Variants in TMEM175 observed in about 807,000 individuals in gnomAD.
The protein encoded by TMEM175 is endosomal/lysosomal proton channel TMEM175.
TMEM175 carries 36 observed loss-of-function variants against 36.5 expected under a neutral mutation model. The ratio of observed to expected loss-of-function variants is 0.99; its 90% CI spans 0.76 to 1.30. TMEM175 has a LOEUF of 1.30. Among genes scored for constraint, TMEM175 ranks in the 50% most tolerant of loss-of-function variants. The probability of loss-of-function intolerance (pLI) is 0.00; values close to 1 mark genes in which losing one functional copy is unlikely to be tolerated. For synonymous variants in TMEM175, 339 were observed against 313.4 expected (o/e 1.08, Z -0.86); for missense variants, 705 against 692.8 (o/e 1.02, Z -0.20).
chr4:938,138 G>A (rs186489603), intron 1 of TMEM175, among the ~76,000 whole-genome samples: 1 of 152,190 alleles, frequency 6.6e-6, no homozygotes, highest in African/African-American at 2.4e-5. Flanking sequence ...ACAAGCCAAG[G>A]CTGGCTGTCT....
intron 10 of TMEM175, chr4:956,164 C>A: frequency 1.4e-6 from 1 of 707,056 alleles, no homozygotes; most frequent in Non-Finnish European, 2.1e-6. Context: ...GCACCAGCAG[C>A]CAACTGCTCT....
At chr4:957,706 C>A in intron 10 of TMEM175, 118 bp from the exon 11 acceptor site, 1 of 992,596 alleles carries the variant, frequency 1.0e-6, no homozygotes, top group Non-Finnish European at 1.5e-6. Context: ...GGGAAGTCCA[C>A]ATGGTTCATC....
intron 7 of TMEM175, 113 bp downstream of exon 7, chr4:952,563 CTGTGTGTGTGTGTGTG>C (rs147980248): frequency 3.0e-6 from 2 of 662,270 alleles, no homozygotes; most frequent in African/African-American, 2.5e-5. Flanking sequence ...GGGGCCTGCA[CTGTGTGTGTGTGTGTG>C]TGTGTGTGTG....
intron 1 of TMEM175, among the ~76,000 whole-genome samples, chr4:938,212 A>G (rs527405600): frequency 6.6e-6 from 1 of 152,314 alleles, no homozygotes; most frequent in African/African-American, 2.4e-5. Context: ...GGCAAGAAAA[A>G]GAGGGCTGGG....
In TMEM175 at chr4:958,467, C is replaced by T. The variant is rs1711556681; in HGVS notation, c.1486C>T (p.Gln496Ter). The change falls in exon 11 of 11, where the codon CAG (glutamine) becomes TAG (stop). Residue 496 changes from glutamine to a stop codon, truncating the protein, a stop_gained. Coordinates refer to ENST00000264771, the MANE Select transcript of TMEM175 (RefSeq NM_032326.4). LOFTEE classifies it high-confidence loss of function. Reference protein sequence around the residue: ...PPAPTGQDDPQSQLLPAPC With the variant: ...PPAPTGQDDP ...AGCCCCCACGGGCCAGGACGACCCA[C>T]AGTCCCAGCTCCTCCCTGCCCCCTG... The T allele has an allele frequency of 6.4e-7, 1 of 1,568,354 alleles. No individual in the cohort carries two copies. The highest frequency in any genetic ancestry group is 8.6e-7 in the Non-Finnish European group (1 of 1,163,302).
At chr4:944,047 T>C (rs144798573) in intron 1 of TMEM175, among the ~76,000 whole-genome samples, 1 of 152,260 alleles carries the variant, frequency 6.6e-6, no homozygotes, top group East Asian at 1.9e-4. Flanking sequence ...AATCCCAGCA[T>C]TTCGGGAGGC....
At chr4:934,384 G>C (rs1481110917) in intron 1 of TMEM175, among the ~76,000 whole-genome samples, 1 of 152,214 alleles carries the variant, frequency 6.6e-6, no homozygotes, top group Non-Finnish European at 1.5e-5. Context: ...GTTCGGGGCA[G>C]AGAGTGCAGC....
chr4:953,534 T>C (rs1167699317), intron 8 of TMEM175, among the ~76,000 whole-genome samples, 180 bp downstream of exon 8: 1 of 152,134 alleles, frequency 6.6e-6, no homozygotes, highest in Admixed American at 6.5e-5. Flanking sequence ...GGAGGCCTGC[T>C]CCACCTGAGG....
intron 1 of TMEM175, among the ~76,000 whole-genome samples, chr4:936,151 A>T (rs1322444959): frequency 6.6e-6 from 1 of 152,176 alleles, no homozygotes; most frequent in African/African-American, 2.4e-5. Flanking sequence ...CCTGGCCAAC[A>T]TGGTGAAACC....
rs563663795 is a variant in TMEM175 at position 936,694 on chromosome 4, G to A, written c.-32+4154G>A. On this transcript the variant is annotated intron_variant, in intron 1 of 10. Transcript: ENST00000264771. ...TGTTGGGCCCGGCGCGGTGGCTCAC[G>A]CCTGTAATCCCAGCACTTTGGGAGG... 1.6e-4 allele frequency among the ~76,000 whole-genome samples: 24 copies of A among 152,306 alleles called. No homozygotes were observed. The South Asian group carries it at 1.7e-3, about 11-fold the overall frequency.
At chr4:935,285 C>T (rs1255585786) in intron 1 of TMEM175, among the ~76,000 whole-genome samples, 1 of 152,198 alleles carries the variant, frequency 6.6e-6, no homozygotes, top group African/African-American at 2.4e-5. Flanking sequence ...AAATATCTAT[C>T]TCCATATCTC....
intron 1 of TMEM175, among the ~76,000 whole-genome samples, chr4:941,564 G>A (rs1014983049): frequency 3.3e-5 from 5 of 151,244 alleles, no homozygotes; most frequent in Admixed American, 6.6e-5. Flanking sequence ...TCAAACTCCC[G>A]AGTAGCTGGA....
At chr4:951,377 A>T (rs1026211700) in intron 5 of TMEM175, 119 bp downstream of exon 5, 1 of 1,192,976 alleles carries the variant, frequency 8.4e-7, no homozygotes, top group African/African-American at 1.5e-5. Flanking sequence ...CGGAGCCTGG[A>T]ATCTGTCCAC....
At chr4:951,914 C>T (rs1019330698) in intron 6 of TMEM175, 197 bp downstream of exon 6, 2 of 631,292 alleles carry the variant, frequency 3.2e-6, no homozygotes, top group Non-Finnish European at 5.5e-6. Flanking sequence ...AGGCAGTGGC[C>T]CCGATGAGGG....
intron 8 of TMEM175, among the ~76,000 whole-genome samples, chr4:953,716 C>T (rs1264712654): frequency 1.3e-5 from 2 of 152,220 alleles, no homozygotes; most frequent in Admixed American, 6.5e-5. Context: ...GGCAAGATCT[C>T]GCTGTGTCAC....
At chr4:949,934 C>A (rs1490361179) in intron 3 of TMEM175, among the ~76,000 whole-genome samples, 1 of 152,202 alleles carries the variant, frequency 6.6e-6, no homozygotes, top group East Asian at 1.9e-4. Flanking sequence ...GAGGCAGAGC[C>A]TTTCGGTGGT....
chr4:947,605 A>G, intron 1 of TMEM175, 104 bp from the exon 2 acceptor site: 1 of 876,528 alleles, frequency 1.1e-6, no homozygotes, highest in Non-Finnish European at 1.7e-6. Context: ...GTGGCGGCCA[A>G]GCCCCCCCCC....
chr4:947,207 A>G (rs186433499), intron 1 of TMEM175, among the ~76,000 whole-genome samples: 2 of 140,932 alleles, frequency 1.4e-5, no homozygotes, highest in East Asian at 4.4e-4. Context: ...CGGCCCCTGT[A>G]GAGAACAGAC....
intron 1 of TMEM175, among the ~76,000 whole-genome samples, chr4:935,030 T>C (rs1726637374): frequency 6.6e-6 from 1 of 152,160 alleles, no homozygotes; most frequent in South Asian, 2.1e-4. Flanking sequence ...TTAAGCAGTG[T>C]CAAAAAGATC....
Sources: gnomAD v4.1 joint callset for allele counts (sites outside exome capture counted in the v4.1 genomes callset) on GRCh38, gnomAD v4.1.1 for gene constraint, MANE v1.5 for transcripts, NCBI Gene and HGNC (gene_info 2026-07-23, HGNC 2026-07-21) for gene names.